PBX4: variants seen among roughly 807,000 people sequenced by gnomAD.
PBX4 encodes PBX homeobox 4, also known as pre-B-cell leukemia transcription factor 4.
Under a neutral mutation model 35.1 loss-of-function variants are expected in PBX4, and 26 were observed. That is an observed-to-expected ratio of 0.74 (90% CI 0.54 to 1.03). The LOEUF (loss-of-function observed/expected upper bound fraction) is 1.03, where lower values mean the gene tolerates loss of function less well. PBX4 is among the 50% of genes least tolerant of loss of function. The pLI is 0.00. For missense variants in PBX4, 448 were observed against 504.3 expected (o/e 0.89, Z 1.07); for synonymous variants, 199 against 204.2 (o/e 0.97, Z 0.22).
At chr19:19,564,793 A>T in intron 6 of PBX4, 140 bp downstream of exon 6, 1 of 1,070,722 alleles carries the variant, frequency 9.3e-7, no homozygotes, top group Non-Finnish European at 1.4e-6. Context: ...CAGAACTCTC[A>T]CAGTTGAAAC....
intron 2 of PBX4, among the ~76,000 whole-genome samples, chr19:19,575,277 C>T (rs1357620089): frequency 1.6e-5 from 2 of 124,658 alleles, no homozygotes; most frequent in Admixed American, 8.0e-5. Flanking sequence ...GTTTTAGTTC[C>T]TCCCACTGCC....
intron 4 of PBX4, among the ~76,000 whole-genome samples, 178 bp downstream of exon 4, chr19:19,569,931 C>T (rs955934351): frequency 6.6e-6 from 1 of 152,074 alleles, no homozygotes; most frequent in African/African-American, 2.4e-5. Context: ...TAAATAAATA[C>T]AAAATAAAAT....
At chr19:19,599,768 T>C (rs1340569263) in intron 1 of PBX4, among the ~76,000 whole-genome samples, 1 of 151,344 alleles carries the variant, frequency 6.6e-6, no homozygotes, top group Non-Finnish European at 1.5e-5. Flanking sequence ...AGGTCAGGAG[T>C]TCGAGACCAG....
chr19:19,614,126 A>C (rs983700767), intron 1 of PBX4, among the ~76,000 whole-genome samples: 1 of 152,188 alleles, frequency 6.6e-6, no homozygotes, highest in African/African-American at 2.4e-5. Context: ...CAGGAGTTCA[A>C]GACCAGCCTG....
chr19:19,592,747 C>T (rs930942598), intron 2 of PBX4, among the ~76,000 whole-genome samples: 4 of 152,148 alleles, frequency 2.6e-5, no homozygotes, highest in Non-Finnish European at 4.4e-5. Context: ...AGAAAGGCAC[C>T]GGGACAGACC....
At chr19:19,614,557 C>A (rs1161970621) in intron 1 of PBX4, among the ~76,000 whole-genome samples, 1 of 151,732 alleles carries the variant, frequency 6.6e-6, no homozygotes, top group Non-Finnish European at 1.5e-5. Flanking sequence ...ATCACTTGAA[C>A]CCGGGAGGCG....
In PBX4 at chr19:19,562,416, C is replaced by T. The variant is rs577489244; in HGVS notation, c.1033-299G>A. Among the ~76,000 whole-genome samples, 7 of 152,092 alleles carry T rather than the reference C, an allele frequency of 4.6e-5. No individual in the cohort carries two copies. Among genetic ancestry groups the T allele is most frequent in the South Asian group, 2.1e-4 (1 of 4,812 alleles). ...ATCGGGTACAACAAGGGCTCCTGCC[C>T]GGCGAGGGGCAGGGAGGCAAGGTCA... is the stretch of plus-strand genomic sequence containing the variant. On this transcript the variant is annotated intron_variant, in intron 7 of 7. Transcript: ENST00000251203. The surrounding 1 kb of genome is among the most constrained non-coding windows in gnomAD (Gnocchi z 4.8).
At chr19:19,588,175 A>G in intron 2 of PBX4, 5 of 1,204,942 alleles carry the variant, frequency 4.1e-6, no homozygotes, top group Non-Finnish European at 6.1e-6. Context: ...AGCCATCCCT[A>G]TTCTTCTCCT....
intron 1 of PBX4, among the ~76,000 whole-genome samples, chr19:19,609,549 GAA>G (rs11300224): frequency 9.6e-4 from 82 of 85,010 alleles, no homozygotes; most frequent in East Asian, 2.2e-3. Flanking sequence ...AAATCCATAT[GAA>G]AAAAAAAAAA....
At chr19:19,579,388 C>G (rs536940914) in intron 2 of PBX4, among the ~76,000 whole-genome samples, 3 of 152,150 alleles carry the variant, frequency 2.0e-5, no homozygotes, top group East Asian at 1.9e-4. Flanking sequence ...GTTAGGGTGG[C>G]CTGAGTAGAC....
At chr19:19,583,266 G>A (rs1490724646) in intron 2 of PBX4, among the ~76,000 whole-genome samples, 1 of 151,572 alleles carries the variant, frequency 6.6e-6, no homozygotes, top group Non-Finnish European at 1.5e-5. Flanking sequence ...GCAACAAAGC[G>A]AGACTCCGTC....
intron 2 of PBX4, among the ~76,000 whole-genome samples, chr19:19,580,467 G>A (rs190069460): frequency 4.2e-4 from 64 of 152,274 alleles, no homozygotes; most frequent in Non-Finnish European, 7.1e-4. Flanking sequence ...CAGTTCTGCC[G>A]GTGGGACCCA....
intron 5 of PBX4, among the ~76,000 whole-genome samples, chr19:19,567,366 G>A (rs1038295671): frequency 1.3e-5 from 2 of 152,218 alleles, no homozygotes; most frequent in Non-Finnish European, 2.9e-5. Context: ...TGACCCCGAG[G>A]GGTTCCAATT....
chr19:19,574,123 C>T (rs62137780), intron 2 of PBX4, among the ~76,000 whole-genome samples: 19 of 152,166 alleles, frequency 1.2e-4, no homozygotes, highest in African/African-American at 3.4e-4. Context: ...GCGATCCACC[C>T]GCCTCGGCCT....
intron 2 of PBX4, among the ~76,000 whole-genome samples, chr19:19,575,647 C>T (rs1830385424): frequency 6.6e-6 from 1 of 152,214 alleles, no homozygotes; most frequent in African/African-American, 2.4e-5. Context: ...CCCCTCCCAT[C>T]CCTCATGCAC....
Position 19,570,924 on chromosome 19 carries a change from G to T in PBX4, c.194-91C>A, listed in dbSNP as rs556782510. 14 of 1,521,656 alleles carry T rather than the reference G, an allele frequency of 9.2e-6. No individual in the cohort carries two copies. In the East Asian group the frequency reaches 2.9e-4, roughly 32 times the overall value. 94.3% of individuals were successfully genotyped at this position (1,521,656 alleles called of 1,614,324 possible). ...TGTGAGCACTGGTGTTATGTCTGAAGATTTTTGCATAGAACCCTTCGGGAG... is the reference window on the plus strand; with the variant it reads ...TGTGAGCACTGGTGTTATGTCTGAATATTTTTGCATAGAACCCTTCGGGAG... On this transcript the variant is annotated intron_variant, in intron 2 of 7. Transcript: ENST00000251203.
chr19:19,582,955 A>G (rs1287937771), intron 2 of PBX4, among the ~76,000 whole-genome samples: 1 of 152,244 alleles, frequency 6.6e-6, no homozygotes, highest in African/African-American at 2.4e-5. Context: ...GGAAAAGGGA[A>G]CACTCCTGTT....
chr19:19,575,400 A>G (rs1369944729), intron 2 of PBX4, among the ~76,000 whole-genome samples: 1 of 152,166 alleles, frequency 6.6e-6, no homozygotes, highest in Non-Finnish European at 1.5e-5. Context: ...ACCCTTGGAC[A>G]GCCAGGTAAA....
At chr19:19,582,215 G>T (rs1185347975) in intron 2 of PBX4, among the ~76,000 whole-genome samples, 5 of 152,196 alleles carry the variant, frequency 3.3e-5, no homozygotes. Flanking sequence ...GCAAGGAAGT[G>T]CTGGGTAGAG....
Sources: allele counts gnomAD v4.1 joint callset (sites outside exome capture counted in the v4.1 genomes callset), GRCh38; gene constraint gnomAD v4.1.1; non-coding constraint Gnocchi (gnomAD v3.1); transcripts MANE v1.5; gene names NCBI Gene and HGNC (gene_info 2026-07-23, HGNC 2026-07-21).